DNMT1: variants seen among roughly 807,000 people sequenced by gnomAD.
The protein encoded by DNMT1 is DNA (cytosine-5)-methyltransferase 1.
Under a neutral mutation model 205.3 loss-of-function variants are expected in DNMT1, and 24 were observed. The ratio of observed to expected loss-of-function variants is 0.12; its 90% CI spans 0.08 to 0.16. The LOEUF (loss-of-function observed/expected upper bound fraction) is 0.16. DNMT1 is among the 10% of genes least tolerant of loss of function. The probability of loss-of-function intolerance (pLI) is 1.00; values close to 1 mark genes in which losing one functional copy is unlikely to be tolerated. For missense variants in DNMT1, 1,293 were observed against 2,177.7 expected (o/e 0.59, Z 8.09); for synonymous variants, 817 against 839.8 (o/e 0.97, Z 0.47).
intron 1 of DNMT1, among the ~76,000 whole-genome samples, chr19:10,182,780 T>C (rs558448869): frequency 2.6e-5 from 4 of 151,350 alleles, no homozygotes; most frequent in Non-Finnish European, 5.9e-5. Context: ...AGTGATTCTC[T>C]CACCTCAGCC....
chr19:10,150,060 T>G lies in DNMT1; in HGVS notation c.2266-92A>C, dbSNP rs908434260. On this transcript the variant is annotated intron_variant, in intron 24 of 40. Transcript: ENST00000359526. ...GTCCTCTGTTACTTAAAGTAAGACA[T>G]GACTCGATTTCATTAAGAAGTCAAT... 2.0e-5 allele frequency: 22 copies of G among 1,087,118 alleles called. No individual in the cohort carries two copies. In the Middle Eastern group the frequency reaches 9.9e-4, roughly 49 times the overall value. 67.3% of individuals were successfully genotyped at this position (1,087,118 alleles called of 1,614,324 possible).
rs558460568 is a variant in DNMT1 at position 10,151,280 on chromosome 19, A to G, written c.2265+118T>C. 6.9e-7 allele frequency: 1 copy of G among 1,459,332 alleles called. No individual in the cohort carries two copies. The highest frequency in any genetic ancestry group is 1.4e-5 in the African/African-American group (1 of 72,114). The allele number at this position is 1,459,332 out of a possible 1,614,324, so 90.4% of individuals were successfully genotyped here. On this transcript the variant is annotated intron_variant, in intron 24 of 40. Transcript: ENST00000359526. The surrounding 1 kb of genome is among the most constrained non-coding windows in gnomAD (Gnocchi z 5.0). ...TCCCGCTCTTCTCAGGGGCAAACAG[A>G]CAGGTTTCTTAGTGCCGGGGCTCAG...
At position 10,191,070 on chromosome 19, in the gene DNMT1, G is replaced by A. The variant is rs533306027; in HGVS notation, c.80+3750C>T. Among the ~76,000 whole-genome samples the A allele has an allele frequency of 6.8e-5, 10 of 147,948 alleles. 1 individual carries two copies. The highest frequency in any genetic ancestry group is 2.7e-4 in the Admixed American group (4 of 14,822). On this transcript the variant is annotated intron_variant, in intron 1 of 40. Transcript: ENST00000359526. ...GGAGGTTGCAGTGAGCCGAGATCAC[G>A]GCCACTGCACTCCAGCCTGGGCGAC... is the stretch of plus-strand genomic sequence containing the variant.
At chr19:10,173,474 T>A (rs909020779) in intron 8 of DNMT1, among the ~76,000 whole-genome samples, 7 of 151,852 alleles carry the variant, frequency 4.6e-5, no homozygotes, top group African/African-American at 1.7e-4. Context: ...AAACACACGA[T>A]AAAGTTCTTC....
intron 1 of DNMT1, among the ~76,000 whole-genome samples, chr19:10,193,524 A>T (rs8111808): frequency 0.14 from 21,292 of 151,852 alleles, 2,124 homozygotes; most frequent in East Asian, 0.43. Context: ...GCACTACTCC[A>T]GGCTAATTTT....
intron 1 of DNMT1, among the ~76,000 whole-genome samples, chr19:10,186,332 G>A (rs2039179966): frequency 6.6e-6 from 1 of 152,144 alleles, no homozygotes; most frequent in Admixed American, 6.6e-5. Context: ...AGGCAGTGAG[G>A]AGCTGGCGGG....
chr19:10,186,744 A>T (rs1441087919), intron 1 of DNMT1, among the ~76,000 whole-genome samples: 1 of 150,292 alleles, frequency 6.7e-6, no homozygotes, highest in Non-Finnish European at 1.5e-5. Flanking sequence ...AGGCTGAGGC[A>T]GGAGAATCGC....
At position 10,137,143 on chromosome 19, in the gene DNMT1, G is replaced by A. The variant is rs754351497; in HGVS notation, c.4431C>T (p.Asp1477=). Reference sequence around the variant, plus strand: ...CAGAGCTGCTGCGGCCGTTCTTCCTGTCATGGTGGGTATACCGCAGCTTCC... The same window carrying A: ...CAGAGCTGCTGCGGCCGTTCTTCCTATCATGGTGGGTATACCGCAGCTTCC... ...MARKLRYTHH[D]RKNGRSSSGA... is the part of the protein sequence containing the mutation. Residue 1477 remains aspartate, a synonymous_variant, in exon 37 of 41, where the codon GAC becomes GAT. Coordinates refer to ENST00000359526, the MANE Select transcript of DNMT1 (RefSeq NM_001130823.3). The surrounding 1 kb of genome is among the most constrained non-coding windows in gnomAD (Gnocchi z 6.4). 6 of 1,610,694 alleles carry A rather than the reference G, an allele frequency of 3.7e-6. No individual in the cohort carries two copies. In the South Asian group the frequency reaches 4.4e-5, roughly 12 times the overall value.
At chr19:10,135,369 C>T (rs763880047) in intron 39 of DNMT1, 5 of 349,648 alleles carry the variant, frequency 1.4e-5, no homozygotes, top group South Asian at 1.3e-4. Flanking sequence ...AACTCATAGA[C>T]TAACTTGTTA....
chr19:10,147,125 G>A (rs999539925), intron 27 of DNMT1, among the ~76,000 whole-genome samples: 1 of 152,076 alleles, frequency 6.6e-6, no homozygotes, highest in African/African-American at 2.4e-5. Flanking sequence ...AACCAGGCAG[G>A]GTGGTGCATG....
chr19:10,191,581 CCT>C lies in DNMT1; in HGVS notation c.80+3237_80+3238del, dbSNP rs2039305865. ...ATATTTGCACAGGGCCAACAGAGCC[CCT>C]GAGCCAGTGGCCTACTGGCAACCCC... On this transcript the variant is annotated intron_variant, in intron 1 of 40. Transcript: ENST00000359526. Among the ~76,000 whole-genome samples the C allele has an allele frequency of 2.6e-5, 4 of 152,196 alleles. No individual in the cohort carries two copies. The South Asian group carries it at 8.3e-4, about 32-fold the overall frequency.
At chr19:10,150,815 A>G (rs1314633237) in intron 24 of DNMT1, among the ~76,000 whole-genome samples, 1 of 152,170 alleles carries the variant, frequency 6.6e-6, no homozygotes, top group African/African-American at 2.4e-5. Context: ...ATGAGGGGCC[A>G]GGCACAGTGG....
At chr19:10,145,012 T>C (rs988762000) in intron 28 of DNMT1, among the ~76,000 whole-genome samples, 1 of 152,206 alleles carries the variant, frequency 6.6e-6, no homozygotes, top group Non-Finnish European at 1.5e-5. Flanking sequence ...CTTCTGTGGT[T>C]TTAAGTCACT....
chr19:10,183,540 G>A (rs1568257816), intron 1 of DNMT1, among the ~76,000 whole-genome samples: 1 of 152,146 alleles, frequency 6.6e-6, no homozygotes. Flanking sequence ...GAAACATGGC[G>A]AAACTCCATC....
In DNMT1 at chr19:10,139,656, G is replaced by A. The variant is rs749111746; in HGVS notation, c.3948+20C>T. 12 of 1,609,550 alleles carry A rather than the reference G, an allele frequency of 7.5e-6. No homozygotes were observed. The highest frequency in any genetic ancestry group is 4.5e-5 in the East Asian group (2 of 44,812). On this transcript the variant is annotated intron_variant, in intron 34 of 40. Transcript: ENST00000359526. ...ACGTGCTGGCCACATCTGTCTGCCCGCCCCAGCCCCAGGGCCCACCTGCAG... is the reference window on the plus strand; with the variant it reads ...ACGTGCTGGCCACATCTGTCTGCCCACCCCAGCCCCAGGGCCCACCTGCAG...
In DNMT1 at chr19:10,146,283, G is replaced by A. The variant is rs2038198503; in HGVS notation, c.2894+68C>T. 6.3e-7 allele frequency: 1 copy of A among 1,585,142 alleles called. No homozygotes were observed. The highest frequency in any genetic ancestry group is 8.6e-7 in the Non-Finnish European group (1 of 1,161,410). The stretch of plus-strand genomic sequence containing the variant: ...GATTGGCAATGTCTGTAAGGAGGGG[G>A]ACACCACAAAGCCAGCCTGGCTCAG... On this transcript the variant is annotated intron_variant, in intron 28 of 40. Coordinates refer to ENST00000359526, the MANE Select transcript of DNMT1 (RefSeq NM_001130823.3). The surrounding 1 kb of genome is among the most constrained non-coding windows in gnomAD (Gnocchi z 4.4).
Position 10,148,742 on chromosome 19 carries a change from CAT to C in DNMT1, c.2720+140_2720+141del. Reference sequence around the variant, plus strand: ...GCCATCTACACACTTGAGCATCATTCATAGTCAGGCTGGCCTTTGACGAGCAA... The same window carrying C: ...GCCATCTACACACTTGAGCATCATTCAGTCAGGCTGGCCTTTGACGAGCAA... On this transcript the variant is annotated intron_variant, in intron 27 of 40. Coordinates refer to ENST00000359526, the MANE Select transcript of DNMT1 (RefSeq NM_001130823.3). 7 of 1,423,930 alleles carry C rather than the reference CAT, an allele frequency of 4.9e-6. No individual in the cohort carries two copies. In the Admixed American group the frequency reaches 1.3e-4, roughly 26 times the overall value. The allele number at this position is 1,423,930 out of a possible 1,614,324, so 88.2% of individuals were successfully genotyped here.
At chr19:10,181,787 C>T (rs978010441) in intron 2 of DNMT1, among the ~76,000 whole-genome samples, 8 of 152,006 alleles carry the variant, frequency 5.3e-5, no homozygotes, top group African/African-American at 1.9e-4. Flanking sequence ...CGAGATCATG[C>T]CATTGCACTC....
At chr19:10,171,578 G>T (rs1248374617) in intron 9 of DNMT1, among the ~76,000 whole-genome samples, 1 of 152,090 alleles carries the variant, frequency 6.6e-6, no homozygotes, top group Non-Finnish European at 1.5e-5. Flanking sequence ...GGCCGAGATG[G>T]GAGGATCACG....
Sources: gnomAD v4.1 joint callset for allele counts (sites outside exome capture counted in the v4.1 genomes callset) on GRCh38, gnomAD v4.1.1 for gene constraint, Gnocchi (gnomAD v3.1) non-coding constraint, MANE v1.5 for transcripts, NCBI Gene and HGNC (gene_info 2026-07-23, HGNC 2026-07-21) for gene names.